The following INSR variants were observed in gnomAD, a reference collection of about 807,000 sequenced individuals.
INSR encodes IR.
A neutral mutation model predicts 142.6 loss-of-function variants in INSR; 67 were observed. That is an observed-to-expected ratio of 0.47 (90% CI 0.39 to 0.58). The LOEUF (loss-of-function observed/expected upper bound fraction) is 0.58. Among genes scored for constraint, INSR ranks in the 20% least tolerant of loss-of-function variants. The pLI is 0.00. For missense variants in INSR, 1,248 were observed against 1,833.2 expected (o/e 0.68, Z 5.83); for synonymous variants, 756 against 743.1 (o/e 1.02, Z -0.28).
chr19:7,140,042 G>A (rs530844462), intron 13 of INSR, among the ~76,000 whole-genome samples: 24 of 152,196 alleles, frequency 1.6e-4, no homozygotes, highest in Admixed American at 3.9e-4. Flanking sequence ...TGGCCAGGCT[G>A]GTCTTGAACT....
chr19:7,120,582 A>G (rs1171524825), intron 20 of INSR, 38 bp downstream of exon 20: 1 of 1,612,926 alleles, frequency 6.2e-7, no homozygotes, highest in South Asian at 1.1e-5. Flanking sequence ...CCTGGAATTC[A>G]AGCCCAGCGT....
At chr19:7,276,469 T>C (rs1012018697) in intron 1 of INSR, among the ~76,000 whole-genome samples, 8 of 152,004 alleles carry the variant, frequency 5.3e-5, no homozygotes, top group Admixed American at 5.2e-4. Context: ...AAATGCTCCC[T>C]GCTGACCTAT....
chr19:7,224,502 C>A (rs1975718585), intron 2 of INSR, among the ~76,000 whole-genome samples: 1 of 152,106 alleles, frequency 6.6e-6, no homozygotes. Context: ...CCGAGCTTTC[C>A]GCCATGGGGG....
At chr19:7,268,327 G>C (rs932822424) in intron 1 of INSR, 1 of 594,902 alleles carries the variant, frequency 1.7e-6, no homozygotes, top group African/African-American at 2.0e-5. Context: ...AAATGTATTT[G>C]TTTTGTCAAT....
chr19:7,153,064 CACCA>C lies in INSR; in HGVS notation c.2030-141_2030-138del. Reference sequence around the variant, plus strand: ...CACCACACACCCCCCCACACACACACACCACACACATCACACAACACACCACACA... The same window carrying C: ...CACCACACACCCCCCCACACACACACCACACATCACACAACACACCACACA... On this transcript the variant is annotated intron_variant, in intron 9 of 21. Transcript: ENST00000302850. 7.5e-6 allele frequency: 4 copies of C among 533,404 alleles called. No individual in the cohort carries two copies. The South Asian group carries it at 7.9e-5, about 11-fold the overall frequency. The allele number at this position is 533,404 out of a possible 1,614,324, so 33.0% of individuals were successfully genotyped here.
At chr19:7,258,925 C>T (rs912833101) in intron 2 of INSR, among the ~76,000 whole-genome samples, 2 of 146,910 alleles carry the variant, frequency 1.4e-5, no homozygotes, top group African/African-American at 2.5e-5. Context: ...TCCTTCCTTC[C>T]TTCCCTCCTT....
At chr19:7,277,665 G>A (rs972008937) in intron 1 of INSR, among the ~76,000 whole-genome samples, 1 of 152,012 alleles carries the variant, frequency 6.6e-6, no homozygotes, top group African/African-American at 2.4e-5. Context: ...GGCGTGGTGA[G>A]GCGCGTCTGT....
chr19:7,129,214 C>T (rs1972719325), intron 14 of INSR, among the ~76,000 whole-genome samples: 1 of 152,212 alleles, frequency 6.6e-6, no homozygotes, highest in African/African-American at 2.4e-5. Flanking sequence ...CAAATCACTG[C>T]TCATTTCCAT....
Position 7,267,820 on chromosome 19 carries a change from G to A in INSR, c.177C>T (p.His59=), listed in dbSNP as rs1393358953. The change falls in exon 2 of 22, where the codon CAC becomes CAT. Residue 59 remains histidine, a synonymous_variant. Transcript: ENST00000302850. This position sits in a 1 kb window ranked among gnomAD's most constrained non-coding sequence, Gnocchi z 6.3. The part of the protein sequence containing the change: ...ELENCSVIEG[H]LQILLMFKTR... ...TTTTGAACATCAAGAGTATCTGCAAGTGTCCTTCGATGACAGAGCAATTCT... is the reference window on the plus strand; with the variant it reads ...TTTTGAACATCAAGAGTATCTGCAAATGTCCTTCGATGACAGAGCAATTCT... The A allele has an allele frequency of 6.2e-7, 1 of 1,614,150 alleles. No individual in the cohort carries two copies.
At chr19:7,186,628 C>T (rs770217872) in intron 2 of INSR, among the ~76,000 whole-genome samples, 2 of 152,092 alleles carry the variant, frequency 1.3e-5, no homozygotes, top group Non-Finnish European at 2.9e-5. Context: ...TGAAACTCTG[C>T]CCCCATGAAA....
intron 13 of INSR, among the ~76,000 whole-genome samples, chr19:7,136,167 G>A (rs945488524): frequency 1.3e-5 from 2 of 152,014 alleles, no homozygotes; most frequent in Admixed American, 6.6e-5. Context: ...TTGCATTTTT[G>A]TCATGGCTAA....
At chr19:7,121,230 C>T (rs956824704) in intron 19 of INSR, among the ~76,000 whole-genome samples, 1 of 152,082 alleles carries the variant, frequency 6.6e-6, no homozygotes, top group African/African-American at 2.4e-5. Context: ...AACTCCTGAT[C>T]TCAGGTAATC....
intron 9 of INSR, among the ~76,000 whole-genome samples, chr19:7,154,517 T>G (rs1158203916): frequency 6.6e-6 from 1 of 150,656 alleles, no homozygotes; most frequent in African/African-American, 2.4e-5. Context: ...TTAGCCAGGA[T>G]GGTCTCGATC....
At chr19:7,135,425 C>A (rs1394366372) in intron 13 of INSR, among the ~76,000 whole-genome samples, 2 of 140,714 alleles carry the variant, frequency 1.4e-5, no homozygotes, top group Non-Finnish European at 3.0e-5. Flanking sequence ...AAGCGATTCT[C>A]CTGCCTCAGC....
chr19:7,269,591 C>A (rs369591556), intron 1 of INSR, among the ~76,000 whole-genome samples: 7 of 151,586 alleles, frequency 4.6e-5, no homozygotes, highest in South Asian at 2.1e-4. Context: ...CAGTCCCAGC[C>A]CCCCCACCCC....
At chr19:7,279,423 A>T (rs1968146643) in intron 1 of INSR, among the ~76,000 whole-genome samples, 1 of 151,574 alleles carries the variant, frequency 6.6e-6, no homozygotes, top group African/African-American at 2.4e-5. Context: ...ACAGGACTTC[A>T]TACCCAGGAG....
intron 13 of INSR, among the ~76,000 whole-genome samples, chr19:7,136,840 T>C (rs538191583): frequency 0.013 from 1,983 of 149,778 alleles, 139 homozygotes; most frequent in African/African-American, 0.047. Flanking sequence ...TATATATATA[T>C]ATATATATTG....
intron 3 of INSR, among the ~76,000 whole-genome samples, chr19:7,175,430 C>T (rs1026062815): frequency 6.6e-6 from 1 of 152,104 alleles, no homozygotes; most frequent in African/African-American, 2.4e-5. Context: ...AAGTAATTCT[C>T]CACTGTGGTA....
chr19:7,176,631 TC>T (rs1974140609), intron 3 of INSR, among the ~76,000 whole-genome samples: 1 of 151,764 alleles, frequency 6.6e-6, no homozygotes, highest in Non-Finnish European at 1.5e-5. Flanking sequence ...TGTAGCACCT[TC>T]CCCCTTTCTC....
Sources: gnomAD v4.1 joint callset for allele counts (sites outside exome capture counted in the v4.1 genomes callset) on GRCh38, gnomAD v4.1.1 for gene constraint, Gnocchi (gnomAD v3.1) non-coding constraint, MANE v1.5 for transcripts, NCBI Gene and HGNC (gene_info 2026-07-23, HGNC 2026-07-21) for gene names.